Variants in PPP1R14C observed in about 807,000 individuals in gnomAD.
PPP1R14C encodes the protein protein phosphatase 1 regulatory inhibitor subunit 14C, also known as protein phosphatase 1 regulatory subunit 14C.
A neutral mutation model predicts 20.4 loss-of-function variants in PPP1R14C; 16 were observed. That is an observed-to-expected ratio of 0.78 (90% CI 0.53 to 1.19). The LOEUF (loss-of-function observed/expected upper bound fraction) is 1.19, where lower values mean the gene tolerates loss of function less well. Among genes scored for constraint, PPP1R14C ranks in the 50% most tolerant of loss-of-function variants. The pLI is 0.00. For missense variants in PPP1R14C, 211 were observed against 220.1 expected (o/e 0.96, Z 0.26); for synonymous variants, 91 against 91.0 (o/e 1.00, Z 0.00).
At chr6:150,217,214 G>A (rs961197712) in intron 3 of PPP1R14C, among the ~76,000 whole-genome samples, 1 of 62,914 alleles carries the variant, frequency 1.6e-5, no homozygotes, top group Admixed American at 1.9e-4. Context: ...TTTTTTTTTT[G>A]AGACGGAGTC....
chr6:150,167,048 T>C (rs958351901), intron 1 of PPP1R14C, among the ~76,000 whole-genome samples: 4 of 151,216 alleles, frequency 2.6e-5, no homozygotes, highest in African/African-American at 4.9e-5. Flanking sequence ...CTGGCCAACA[T>C]GGTGAAACCT....
chr6:150,192,418 C>T (rs558809732), intron 1 of PPP1R14C, among the ~76,000 whole-genome samples: 6 of 152,210 alleles, frequency 3.9e-5, no homozygotes, highest in Non-Finnish European at 2.9e-5. Flanking sequence ...CCCTTTCGTG[C>T]GTGGTTCACA....
chr6:150,185,292 T>C lies in PPP1R14C; in HGVS notation c.307-29452T>C, dbSNP rs948338714. 3.9e-5 allele frequency among the ~76,000 whole-genome samples: 6 copies of C among 152,196 alleles called. No individual in the cohort carries two copies. The East Asian group carries it at 1.2e-3, about 29-fold the overall frequency. On this transcript the variant is annotated intron_variant, in intron 1 of 3. Transcript: ENST00000361131. This position sits in a 1 kb window ranked among gnomAD's most constrained non-coding sequence, Gnocchi z 4.1. ...AATGCAGGTGAAACCCTTAGAGAAG[T>C]GCCTAGCAGTAGTCAGCCTGACACC...
chr6:150,163,098 C>CT (rs1401636912), intron 1 of PPP1R14C, among the ~76,000 whole-genome samples: 1 of 152,064 alleles, frequency 6.6e-6, no homozygotes, highest in Non-Finnish European at 1.5e-5. Flanking sequence ...TTCTTAAAAA[C>CT]TTTTTATTGT....
At chr6:150,181,694 C>G (rs1777623649) in intron 1 of PPP1R14C, among the ~76,000 whole-genome samples, 3 of 152,194 alleles carry the variant, frequency 2.0e-5, no homozygotes, top group African/African-American at 7.2e-5. Flanking sequence ...CTTTGTCCTT[C>G]CCCTTAATTG....
intron 1 of PPP1R14C, among the ~76,000 whole-genome samples, chr6:150,207,248 CA>C (rs1777964881): frequency 6.6e-6 from 1 of 152,178 alleles, no homozygotes; most frequent in Non-Finnish European, 1.5e-5. Flanking sequence ...ACTTTAAAAA[CA>C]AATGTGTATT....
chr6:150,154,085 A>G (rs1333860267), intron 1 of PPP1R14C, among the ~76,000 whole-genome samples: 1 of 152,246 alleles, frequency 6.6e-6, no homozygotes, highest in Non-Finnish European at 1.5e-5. Context: ...TATTCCACAC[A>G]GTTATTTCGT....
chr6:150,191,395 C>T lies in PPP1R14C; in HGVS notation c.307-23349C>T, dbSNP rs553117686. Among the ~76,000 whole-genome samples the T allele has an allele frequency of 1.4e-4, 21 of 152,320 alleles. No individual in the cohort carries two copies. The South Asian group carries it at 3.9e-3, about 29-fold the overall frequency. Reference sequence around the variant, plus strand: ...CAATGCCTGGCATATAGCAGACATTCAATAAGTATCTGTGGAGTGATTGTA... The same window carrying T: ...CAATGCCTGGCATATAGCAGACATTTAATAAGTATCTGTGGAGTGATTGTA... On this transcript the variant is annotated intron_variant, in intron 1 of 3. Coordinates refer to ENST00000361131, the MANE Select transcript of PPP1R14C (RefSeq NM_030949.3).
intron 3 of PPP1R14C, among the ~76,000 whole-genome samples, chr6:150,221,601 A>G (rs1233900713): frequency 6.6e-6 from 1 of 152,146 alleles, no homozygotes; most frequent in Non-Finnish European, 1.5e-5. Context: ...CTCATTGCAG[A>G]AGTAGGGTGA....
intron 1 of PPP1R14C, chr6:150,164,626 C>T: frequency 5.2e-6 from 1 of 192,610 alleles, no homozygotes; most frequent in Non-Finnish European, 1.1e-5. Flanking sequence ...TGTTCACATG[C>T]ATGTGTGAAA....
chr6:150,186,905 T>G (rs965014369), intron 1 of PPP1R14C, among the ~76,000 whole-genome samples: 7 of 149,520 alleles, frequency 4.7e-5, no homozygotes, highest in Non-Finnish European at 1.1e-4. Flanking sequence ...AATTTTCAGC[T>G]GAGTGAGGAG....
chr6:150,231,329 A>G (rs1317453596), intron 3 of PPP1R14C, among the ~76,000 whole-genome samples: 2 of 152,066 alleles, frequency 1.3e-5, no homozygotes, highest in African/African-American at 2.4e-5. Flanking sequence ...CTGTATTAGT[A>G]TGTGTGAGTA....
Position 150,249,882 on chromosome 6 carries a change from G to A in PPP1R14C, c.*1062G>A, listed in dbSNP as rs1778543746. On this transcript the variant is annotated 3_prime_UTR_variant, in exon 4 of 4. Transcript: ENST00000361131. Reference sequence around the variant, plus strand: ...ACATTCTCTCAAGACAGTTGCTCTAGGAGCTGAGTTGCTGGTTTGGAAGTG... The same window carrying A: ...ACATTCTCTCAAGACAGTTGCTCTAAGAGCTGAGTTGCTGGTTTGGAAGTG... 1 of 211,110 alleles carries A rather than the reference G, an allele frequency of 4.7e-6. No individual in the cohort carries two copies. Among genetic ancestry groups the A allele is most frequent in the Admixed American group, 5.9e-5 (1 of 17,036 alleles). 13.1% of individuals were successfully genotyped at this position (211,110 alleles called of 1,614,324 possible).
intron 1 of PPP1R14C, among the ~76,000 whole-genome samples, chr6:150,210,173 G>A (rs1464089327): frequency 2.0e-5 from 3 of 152,106 alleles, no homozygotes; most frequent in Admixed American, 6.5e-5. Context: ...GTGGCAATGC[G>A]GAGTCCCACT....
chr6:150,206,091 C>T (rs1250134529), intron 1 of PPP1R14C, among the ~76,000 whole-genome samples: 4 of 152,070 alleles, frequency 2.6e-5, no homozygotes, highest in African/African-American at 9.7e-5. Flanking sequence ...ATACAGTGAC[C>T]CCGGGCTCCT....
chr6:150,193,567 A>G (rs1028468559), intron 1 of PPP1R14C, among the ~76,000 whole-genome samples: 3 of 150,930 alleles, frequency 2.0e-5, no homozygotes, highest in Admixed American at 2.0e-4. Flanking sequence ...CATCCTGCAG[A>G]TAATGAGTAA....
intron 1 of PPP1R14C, among the ~76,000 whole-genome samples, chr6:150,146,740 G>A (rs1196323447): frequency 1.3e-5 from 2 of 152,084 alleles, no homozygotes; most frequent in Non-Finnish European, 2.9e-5. Context: ...AAGCTACTTG[G>A]GATTTGAGAA....
chr6:150,234,951 G>C (rs1778340676), intron 3 of PPP1R14C, among the ~76,000 whole-genome samples: 1 of 150,036 alleles, frequency 6.7e-6, no homozygotes, highest in Admixed American at 6.6e-5. Context: ...AAGAAGCCAA[G>C]TAAAAAAGAA....
rs1778529743 is a variant in PPP1R14C, at chr6:150,249,027, T to C, written c.*207T>C. ...GTTTTAAAGGTTTTTGTTAATGTAA[T>C]ATTTTAATAGCAAAGATATCATGAC... is the stretch of plus-strand genomic sequence containing the variant. On this transcript the variant is annotated 3_prime_UTR_variant, in exon 4 of 4. Transcript: ENST00000361131. 3 of 481,366 alleles carry C rather than the reference T, an allele frequency of 6.2e-6. No individual in the cohort carries two copies. The highest frequency in any genetic ancestry group is 1.1e-5 in the Non-Finnish European group (3 of 274,292). 29.8% of individuals were successfully genotyped at this position (481,366 alleles called of 1,614,324 possible). A position where few individuals can be genotyped will look rare whatever the true frequency, so the allele number is the denominator to read the frequency against.
Sources: allele counts gnomAD v4.1 joint callset (sites outside exome capture counted in the v4.1 genomes callset), GRCh38; gene constraint gnomAD v4.1.1; non-coding constraint Gnocchi (gnomAD v3.1); transcripts MANE v1.5; gene names NCBI Gene and HGNC (gene_info 2026-07-23, HGNC 2026-07-21).